TCF4: variants seen among roughly 807,000 people sequenced by gnomAD.
TCF4 encodes transcription factor 4, also known as SL3-3 enhancer factor 2.
Under a neutral mutation model 82.1 loss-of-function variants are expected in TCF4, and 3 were observed. That is an observed-to-expected ratio of 0.04 (90% CI 0.02 to 0.09). The LOEUF (loss-of-function observed/expected upper bound fraction) is 0.09. Among genes scored for constraint, TCF4 ranks in the 10% least tolerant of loss-of-function variants. TCF4 has a pLI of 1.00. For missense variants in TCF4, 518 were observed against 852.7 expected (o/e 0.61, Z 4.89); for synonymous variants, 276 against 309.6 (o/e 0.89, Z 1.14).
chr18:55,331,496 T>C (rs867224443), intron 8 of TCF4, among the ~76,000 whole-genome samples: 3 of 152,230 alleles, frequency 2.0e-5, no homozygotes, highest in Non-Finnish European at 4.4e-5. Context: ...AATCACACTT[T>C]GCTCATTGAG....
At chr18:55,598,345 A>C (rs540744387) in intron 2 of TCF4, among the ~76,000 whole-genome samples, 1 of 152,206 alleles carries the variant, frequency 6.6e-6, no homozygotes, top group Admixed American at 6.5e-5. Context: ...AACTGTTAAA[A>C]CCCAGCAAAT....
upstream of TCF4, among the ~76,000 whole-genome samples, chr18:55,591,666 C>T (rs1433763780): frequency 2.6e-5 from 4 of 152,158 alleles, no homozygotes; most frequent in African/African-American, 4.8e-5. Flanking sequence ...TACAGGCATG[C>T]GTCACCCCAC....
intron 3 of TCF4, among the ~76,000 whole-genome samples, chr18:55,519,251 T>A (rs953364632): frequency 6.6e-6 from 1 of 151,778 alleles, no homozygotes; most frequent in Admixed American, 6.6e-5. Context: ...TGGGCAACAT[T>A]GTGAAACCAT....
At chr18:55,616,679 T>A (rs2097712470) in intron 2 of TCF4, among the ~76,000 whole-genome samples, 1 of 152,110 alleles carries the variant, frequency 6.6e-6, no homozygotes, top group Non-Finnish European at 1.5e-5. Context: ...TGATATCTCA[T>A]TTGCATTCTC....
chr18:55,439,659 G>A (rs1480655809), intron 5 of TCF4, among the ~76,000 whole-genome samples: 2 of 152,142 alleles, frequency 1.3e-5, no homozygotes, highest in African/African-American at 4.8e-5. Context: ...GGGCATAATG[G>A]GTAACTCGAA....
At chr18:55,421,321 C>T (rs2094744861) in intron 5 of TCF4, among the ~76,000 whole-genome samples, 1 of 152,162 alleles carries the variant, frequency 6.6e-6, no homozygotes, top group African/African-American at 2.4e-5. Flanking sequence ...AGGAATGAAA[C>T]CCAGTCATTC....
chr18:55,377,347 A>T (rs2091006404), intron 6 of TCF4, among the ~76,000 whole-genome samples: 2 of 152,192 alleles, frequency 1.3e-5, no homozygotes, highest in African/African-American at 4.8e-5. Context: ...CCTTTACCTT[A>T]TAATAAATAT....
chr18:55,431,056 G>A (rs1018623880), intron 5 of TCF4, among the ~76,000 whole-genome samples: 1 of 152,168 alleles, frequency 6.6e-6, no homozygotes, highest in Non-Finnish European at 1.5e-5. Flanking sequence ...AAGGTCCCAG[G>A]AGACACAAGT....
Position 55,566,224 on chromosome 18 carries a change from A to C in TCF4, c.145+19056T>G, listed in dbSNP as rs141626584. 1.3e-3 allele frequency among the ~76,000 whole-genome samples: 191 copies of C among 152,040 alleles called. 2 individuals are homozygous for C. Among genetic ancestry groups the C allele is most frequent in the African/African-American group, 4.4e-3 (182 of 41,494 alleles). ...CGAGATTCTGCCTCAAAAACTAAAA[A>C]ATAAATAAAAATAAAATAAAAATAA... On this transcript the variant is annotated intron_variant, in intron 3 of 19. Transcript: ENST00000354452.
At chr18:55,237,359 T>C (rs1266798572) in intron 15 of TCF4, among the ~76,000 whole-genome samples, 2 of 152,212 alleles carry the variant, frequency 1.3e-5, no homozygotes, top group Non-Finnish European at 1.5e-5. Flanking sequence ...TACATTTTTG[T>C]TTGGATTTTA....
At chr18:55,343,581 A>G (rs1603243791) in intron 8 of TCF4, among the ~76,000 whole-genome samples, 1 of 152,156 alleles carries the variant, frequency 6.6e-6, no homozygotes, top group Non-Finnish European at 1.5e-5. Context: ...TCACCAAATC[A>G]TAAAGCATCT....
At chr18:55,530,564 G>C (rs931580521) in intron 3 of TCF4, among the ~76,000 whole-genome samples, 3 of 149,406 alleles carry the variant, frequency 2.0e-5, no homozygotes, top group African/African-American at 7.4e-5. Context: ...CCTGAAAAGG[G>C]GGGGGGAAAC....
chr18:55,375,388 T>G (rs1160509058), intron 6 of TCF4, among the ~76,000 whole-genome samples: 1 of 152,090 alleles, frequency 6.6e-6, no homozygotes, highest in Non-Finnish European at 1.5e-5. Flanking sequence ...TAAGAAGTGG[T>G]GGATCATAAG....
chr18:55,559,889 A>G (rs1204709151), intron 3 of TCF4, among the ~76,000 whole-genome samples: 1 of 152,180 alleles, frequency 6.6e-6, no homozygotes. Context: ...GAAGCAAGAA[A>G]AAGAAGCAGA....
chr18:55,300,018 TATC>T (rs1393020857), intron 8 of TCF4, among the ~76,000 whole-genome samples: 1 of 152,006 alleles, frequency 6.6e-6, no homozygotes, highest in Non-Finnish European at 1.5e-5. Flanking sequence ...TCCTATCCAT[TATC>T]ATCATCTTCC....
intron 8 of TCF4, among the ~76,000 whole-genome samples, chr18:55,311,362 G>A (rs1421842078): frequency 6.6e-6 from 1 of 152,182 alleles, no homozygotes. Context: ...ACGCTGTTAA[G>A]ATGTTTAGTA....
rs1228997013 is a variant in TCF4, at chr18:55,435,277, C to T, written c.304+25742G>A. Among the ~76,000 whole-genome samples the T allele has an allele frequency of 2.0e-5, 3 of 152,172 alleles. No individual in the cohort carries two copies. The East Asian group carries it at 5.8e-4, about 29-fold the overall frequency. Reference sequence around the variant, plus strand: ...TAAATATGTTGAGTTAAGAATAAGTCTATCTGTAGTTATCAGCTGAGGACT... The same window carrying T: ...TAAATATGTTGAGTTAAGAATAAGTTTATCTGTAGTTATCAGCTGAGGACT... On this transcript the variant is annotated intron_variant, in intron 5 of 19. Transcript: ENST00000354452.
rs111520394 is a variant in TCF4, at chr18:55,569,289, C to A, written c.145+15991G>T. On this transcript the variant is annotated intron_variant, in intron 3 of 19. Coordinates refer to ENST00000354452, the MANE Select transcript of TCF4 (RefSeq NM_001083962.2). Reference sequence around the variant, plus strand: ...TTGTCTTGAGTCACACATGATGTGACAGATCTACAGAAAAAACTCTAAGGA... The same window carrying A: ...TTGTCTTGAGTCACACATGATGTGAAAGATCTACAGAAAAAACTCTAAGGA... Among the ~76,000 whole-genome samples, 13 of 150,064 alleles carry A rather than the reference C, an allele frequency of 8.7e-5. 1 individual carries two copies. Among genetic ancestry groups the A allele is most frequent in the Admixed American group, 8.6e-4 (13 of 15,062 alleles).
chr18:55,595,576 T>C (rs1228001539), intron 2 of TCF4, among the ~76,000 whole-genome samples: 1 of 152,126 alleles, frequency 6.6e-6, no homozygotes, highest in Admixed American at 6.5e-5. Flanking sequence ...CCTAGACATA[T>C]ACAGAGTAGA....
Sources: allele counts gnomAD v4.1 joint callset (sites outside exome capture counted in the v4.1 genomes callset), GRCh38; gene constraint gnomAD v4.1.1; transcripts MANE v1.5; gene names NCBI Gene and HGNC (gene_info 2026-07-23, HGNC 2026-07-21).